LYPD6: variants seen among roughly 807,000 people sequenced by gnomAD.
The protein encoded by LYPD6 is LY6/PLAUR domain containing 6.
LYPD6 carries 15 observed loss-of-function variants against 22.7 expected under a neutral mutation model. The observed-to-expected ratio is 0.66, with a 90% confidence interval of 0.44 to 1.02. The LOEUF (loss-of-function observed/expected upper bound fraction) is 1.02, where lower values mean the gene tolerates loss of function less well. Ranked by LOEUF, LYPD6 falls within the 50% of genes least tolerant of loss-of-function variation. The pLI, the probability that LYPD6 is intolerant of heterozygous loss-of-function variation, is 0.00. For missense variants in LYPD6, 189 were observed against 208.4 expected (o/e 0.91, Z 0.57); for synonymous variants, 72 against 77.5 (o/e 0.93, Z 0.37).
chr2:149,419,712 A>G (rs944097880), intron 1 of LYPD6, among the ~76,000 whole-genome samples: 1 of 152,198 alleles, frequency 6.6e-6, no homozygotes, highest in Non-Finnish European at 1.5e-5. Context: ...GATCCCTATA[A>G]GCATAAAAAC....
the LYPD6 span, among the ~76,000 whole-genome samples, chr2:149,484,841 G>A: frequency 1.3e-5 from 2 of 152,124 alleles, no homozygotes; most frequent in Admixed American, 1.3e-4. Flanking sequence ...AAGGTACTGC[G>A]TTTTTGGTGT....
At chr2:149,452,893 G>T (rs942025432) in intron 3 of LYPD6, among the ~76,000 whole-genome samples, 1 of 152,168 alleles carries the variant, frequency 6.6e-6, no homozygotes, top group Non-Finnish European at 1.5e-5. Context: ...CACACCTCTA[G>T]CTAACTCAGG....
intron 1 of LYPD6, among the ~76,000 whole-genome samples, chr2:149,384,748 C>CT (rs1169962211): frequency 1.3e-5 from 2 of 151,746 alleles, no homozygotes; most frequent in Non-Finnish European, 2.9e-5. Flanking sequence ...TATTATTATA[C>CT]TTTAAGTTTT....
chr2:149,348,852 G>T (rs1261100604), intron 1 of LYPD6, among the ~76,000 whole-genome samples: 1 of 152,194 alleles, frequency 6.6e-6, no homozygotes, highest in Admixed American at 6.5e-5. Flanking sequence ...AGCAGTCCAG[G>T]TGTTGGCTTA....
chr2:149,397,482 G>A (rs898048630), intron 1 of LYPD6, among the ~76,000 whole-genome samples: 4 of 152,128 alleles, frequency 2.6e-5, no homozygotes, highest in African/African-American at 9.7e-5. Context: ...CATTCTATGA[G>A]GTGGAAGAAT....
chr2:149,485,063 C>G, the LYPD6 span, among the ~76,000 whole-genome samples: 1 of 152,132 alleles, frequency 6.6e-6, no homozygotes, highest in Non-Finnish European at 1.5e-5. Context: ...ATTAAACCTT[C>G]CATAAAGAGC....
At chr2:149,385,676 G>A (rs952067696) in intron 1 of LYPD6, among the ~76,000 whole-genome samples, 2 of 152,070 alleles carry the variant, frequency 1.3e-5, no homozygotes, top group African/African-American at 2.4e-5. Context: ...ATTAAGCCTC[G>A]TTTGTTTGTG....
chr2:149,460,009 G>A (rs1327245550), intron 3 of LYPD6, among the ~76,000 whole-genome samples: 1 of 152,044 alleles, frequency 6.6e-6, no homozygotes. Flanking sequence ...CCAGCAGGAT[G>A]TGATAAGTTT....
downstream of LYPD6, among the ~76,000 whole-genome samples, chr2:149,476,945 G>A (rs1681457257): frequency 6.6e-6 from 1 of 152,152 alleles, no homozygotes; most frequent in Non-Finnish European, 1.5e-5. Flanking sequence ...GGCGTGTGAA[G>A]ACCAGTTGTT....
chr2:149,471,030 G>C lies in LYPD6; in HGVS notation c.*180G>C. The C allele has an allele frequency of 1.9e-6, 1 of 530,814 alleles. No homozygotes were observed. Among genetic ancestry groups the C allele is most frequent in the Non-Finnish European group, 3.3e-6 (1 of 300,762 alleles). The allele number at this position is 530,814 out of a possible 1,614,324, so 32.9% of individuals were successfully genotyped here. A position where few individuals can be genotyped will look rare whatever the true frequency, so the allele number is the denominator to read the frequency against. ...AATGTTGCTTCATTGTAGCCATTTT[G>C]AGTCTAACCGAGACTCATCAAAGCC... is the stretch of plus-strand genomic sequence containing the variant. On this transcript the variant is annotated 3_prime_UTR_variant, in exon 5 of 5. Transcript: ENST00000334166.
chr2:149,407,021 G>A (rs1448510687), intron 1 of LYPD6, among the ~76,000 whole-genome samples: 2 of 151,882 alleles, frequency 1.3e-5, no homozygotes, highest in Non-Finnish European at 2.9e-5. Context: ...TGAAATTCTG[G>A]GTTGAAAATT....
chr2:149,399,075 A>G (rs1682493421), intron 1 of LYPD6, among the ~76,000 whole-genome samples: 1 of 152,154 alleles, frequency 6.6e-6, no homozygotes, highest in African/African-American at 2.4e-5. Context: ...ATGTAGTTGA[A>G]TGGAGAATGA....
At chr2:149,395,537 C>T (rs1682410600) in intron 1 of LYPD6, among the ~76,000 whole-genome samples, 2 of 151,978 alleles carry the variant, frequency 1.3e-5, no homozygotes, top group Non-Finnish European at 1.5e-5. Context: ...CTTTTCCAGC[C>T]ACCTGATTAA....
chr2:149,409,833 G>C (rs938574544), intron 1 of LYPD6, among the ~76,000 whole-genome samples: 1 of 152,162 alleles, frequency 6.6e-6, no homozygotes. Flanking sequence ...CCAGGGCTGA[G>C]AACTTGCCCC....
At chr2:149,403,491 G>A (rs1284599737) in intron 1 of LYPD6, among the ~76,000 whole-genome samples, 4 of 147,186 alleles carry the variant, frequency 2.7e-5, no homozygotes, top group African/African-American at 1.0e-4. Context: ...GTGATGGTGA[G>A]CATTTTTTCA....
chr2:149,429,015 C>T (rs1683245870), intron 1 of LYPD6, among the ~76,000 whole-genome samples: 1 of 152,090 alleles, frequency 6.6e-6, no homozygotes, highest in Admixed American at 6.6e-5. Context: ...TAGTGGTCAT[C>T]TGTGGTTTTG....
At chr2:149,336,300 T>C (rs1681033277) in intron 1 of LYPD6, among the ~76,000 whole-genome samples, 1 of 152,182 alleles carries the variant, frequency 6.6e-6, no homozygotes, top group Admixed American at 6.5e-5. Flanking sequence ...AGTTGAACTA[T>C]AGAAATAACT....
At chr2:149,407,876 G>T (rs1026997850) in intron 1 of LYPD6, among the ~76,000 whole-genome samples, 6 of 152,060 alleles carry the variant, frequency 3.9e-5, no homozygotes, top group Admixed American at 1.3e-4. Flanking sequence ...ATCTACTTTT[G>T]GTCTTTGATG....
At chr2:149,361,146 A>G (rs1239993832) in intron 1 of LYPD6, among the ~76,000 whole-genome samples, 4 of 152,206 alleles carry the variant, frequency 2.6e-5, no homozygotes, top group Non-Finnish European at 4.4e-5. Context: ...ATTTGAATTC[A>G]GGCTTAAATA....
Sources: allele counts gnomAD v4.1 joint callset (sites outside exome capture counted in the v4.1 genomes callset), GRCh38; gene constraint gnomAD v4.1.1; transcripts MANE v1.5; gene names NCBI Gene and HGNC (gene_info 2026-07-23, HGNC 2026-07-21).